The following KIAA1217 variants were observed in gnomAD, a reference collection of about 807,000 sequenced individuals.
The protein encoded by KIAA1217 is KIAA1217.
In KIAA1217, 88 loss-of-function variants were observed where a neutral mutation model predicts 163.9. The ratio of observed to expected loss-of-function variants is 0.54; its 90% CI spans 0.45 to 0.64. The LOEUF (loss-of-function observed/expected upper bound fraction) is 0.64. Ranked by LOEUF, KIAA1217 falls within the 30% of genes least tolerant of loss-of-function variation. KIAA1217 has a pLI of 0.00. For synonymous variants in KIAA1217, 903 were observed against 923.1 expected (o/e 0.98, Z 0.39); for missense variants, 2,372 against 2,475.0 (o/e 0.96, Z 0.88).
At chr10:23,739,064 A>C (rs539051370) in intron 1 of KIAA1217, among the ~76,000 whole-genome samples, 1 of 152,358 alleles carries the variant, frequency 6.6e-6, no homozygotes, top group South Asian at 2.1e-4. Flanking sequence ...AATACTATTC[A>C]CCTATAAAAA....
intron 9 of KIAA1217, 100 bp from the exon 10 acceptor site, chr10:24,513,159 A>G: frequency 9.7e-7 from 1 of 1,029,448 alleles, no homozygotes; most frequent in Non-Finnish European, 1.5e-6. Flanking sequence ...ATTCAGCCGC[A>G]GGGCTGTCTA....
At position 24,373,395 on chromosome 10, in the gene KIAA1217, A is replaced by G. The variant is rs146600100; in HGVS notation, c.355-7474A>G. ...AGGTAAGTCCAGACGTCTTTTCCAG[A>G]TACCTTTACCTTCTAACCCCAATTT... On this transcript the variant is annotated intron_variant, in intron 2 of 20. Coordinates refer to ENST00000376454, the MANE Select transcript of KIAA1217 (RefSeq NM_019590.5). Among the ~76,000 whole-genome samples the G allele has an allele frequency of 8.3e-3, 1,267 of 152,262 alleles. 19 individuals carry two copies. The highest frequency in any genetic ancestry group is 0.029 in the African/African-American group (1,214 of 41,546).
chr10:24,312,196 G>A (rs1319565027), intron 2 of KIAA1217, among the ~76,000 whole-genome samples: 3 of 151,986 alleles, frequency 2.0e-5, no homozygotes, highest in East Asian at 1.9e-4. Context: ...CCCAGCTAAC[G>A]AGGGGCCAGC....
chr10:24,266,834 C>T (rs989972609), intron 2 of KIAA1217, among the ~76,000 whole-genome samples: 3 of 152,292 alleles, frequency 2.0e-5, no homozygotes, highest in African/African-American at 7.2e-5. Flanking sequence ...CCGCTCGGTC[C>T]CCTTCCACGA....
intron 1 of KIAA1217, among the ~76,000 whole-genome samples, chr10:23,882,623 A>G (rs1841000518): frequency 6.6e-6 from 1 of 151,910 alleles, no homozygotes; most frequent in Non-Finnish European, 1.5e-5. Flanking sequence ...AAATCACCAC[A>G]ATACTTAAAA....
chr10:24,197,263 G>A (rs912471365), intron 2 of KIAA1217, among the ~76,000 whole-genome samples: 45 of 152,046 alleles, frequency 3.0e-4, no homozygotes, highest in African/African-American at 9.7e-4. Flanking sequence ...TTTATAATTC[G>A]GCACCCAGTA....
intron 2 of KIAA1217, among the ~76,000 whole-genome samples, chr10:24,251,570 C>T (rs997935092): frequency 2.0e-5 from 3 of 151,978 alleles, no homozygotes; most frequent in Non-Finnish European, 2.9e-5. Context: ...CATTGAGTTC[C>T]GATTCCTTTG....
chr10:24,458,868 G>C (rs929665189), intron 5 of KIAA1217, among the ~76,000 whole-genome samples: 1 of 152,112 alleles, frequency 6.6e-6, no homozygotes, highest in Admixed American at 6.5e-5. Flanking sequence ...GCTCACAGTA[G>C]AATGGAGATT....
intron 2 of KIAA1217, among the ~76,000 whole-genome samples, chr10:24,328,636 C>A (rs1051676693): frequency 2.0e-5 from 3 of 151,650 alleles, no homozygotes; most frequent in Non-Finnish European, 4.4e-5. Flanking sequence ...ATATTGTTTT[C>A]AAATTTTCAG....
At chr10:24,274,017 A>G (rs1374532220) in intron 2 of KIAA1217, among the ~76,000 whole-genome samples, 1 of 152,128 alleles carries the variant, frequency 6.6e-6, no homozygotes, top group African/African-American at 2.4e-5. Context: ...TTAGACGCAT[A>G]CCTCAACCAA....
At chr10:23,971,623 T>C (rs1051293457) in intron 1 of KIAA1217, among the ~76,000 whole-genome samples, 5 of 152,202 alleles carry the variant, frequency 3.3e-5, no homozygotes, top group Non-Finnish European at 7.3e-5. Flanking sequence ...GATACCAACA[T>C]GACAGATTGT....
At chr10:24,143,143 A>G (rs1355605009) in intron 2 of KIAA1217, among the ~76,000 whole-genome samples, 1 of 152,170 alleles carries the variant, frequency 6.6e-6, no homozygotes, top group Non-Finnish European at 1.5e-5. Context: ...ACATGTGTCC[A>G]TTTCTGCATA....
Position 23,959,501 on chromosome 10 carries a change from G to A in KIAA1217, c.-320-47724G>A, listed in dbSNP as rs545558648. Among the ~76,000 whole-genome samples, 5 of 152,330 alleles carry A rather than the reference G, an allele frequency of 3.3e-5. No homozygotes were observed. In the East Asian group the frequency reaches 5.8e-4, roughly 18 times the overall value. On this transcript the variant is annotated intron_variant, in intron 1 of 18. Coordinates refer to the KIAA1217 transcript ENST00000376462. ...TGCACTTCAGTCTGGGTAACAGAGT[G>A]AGACCTTGTCTCTTAAAAAATAAAT... is the stretch of plus-strand genomic sequence containing the variant.
chr10:24,354,231 G>A (rs535478490), intron 2 of KIAA1217, among the ~76,000 whole-genome samples: 7 of 152,328 alleles, frequency 4.6e-5, no homozygotes, highest in Non-Finnish European at 8.8e-5. Flanking sequence ...GTCCAGAATA[G>A]TATTTGTGAA....
intron 3 of KIAA1217, among the ~76,000 whole-genome samples, chr10:24,431,496 G>A (rs1564666082): frequency 6.6e-6 from 1 of 152,130 alleles, no homozygotes; most frequent in Non-Finnish European, 1.5e-5. Context: ...ACCTGGGGCT[G>A]GGGAGACCAC....
chr10:24,545,864 A>G lies in KIAA1217; in HGVS notation c.5372A>G (p.Lys1791Arg). 3 of 1,609,488 alleles carry G rather than the reference A, an allele frequency of 1.9e-6. No homozygotes were observed. Among genetic ancestry groups the G allele is most frequent in the Non-Finnish European group, 2.5e-6 (3 of 1,178,248 alleles). ...GSAKKSGGDFKPTSPSLPASK... is the reference protein window; with the variant it reads ...GSAKKSGGDFRPTSPSLPASK... ...GCTAAGAAATCTGGTGGGGACTTTA[A>G]GCCTACTTCCCCCTCCTTACCTGCT... is the stretch of plus-strand genomic sequence containing the variant. The change falls in exon 21 of 21, where the codon AAG (lysine) becomes AGG (arginine). Residue 1791 changes from lysine (K) to arginine (R), a missense_variant. Lys to Arg is a conservative substitution (Grantham distance 26). Transcript: ENST00000376454.
intron 1 of KIAA1217, among the ~76,000 whole-genome samples, chr10:23,731,242 A>G (rs905304885): frequency 6.6e-6 from 1 of 152,170 alleles, no homozygotes; most frequent in Non-Finnish European, 1.5e-5. Context: ...AGGTGGCTAA[A>G]TATACATACT....
At chr10:23,946,104 T>C (rs1004460615) in intron 1 of KIAA1217, among the ~76,000 whole-genome samples, 1 of 152,240 alleles carries the variant, frequency 6.6e-6, no homozygotes, top group African/African-American at 2.4e-5. Flanking sequence ...CCACAATTAC[T>C]TTTTCAACAA....
intron 1 of KIAA1217, among the ~76,000 whole-genome samples, chr10:23,706,521 T>C (rs1293057794): frequency 6.6e-6 from 1 of 152,162 alleles, no homozygotes; most frequent in Non-Finnish European, 1.5e-5. Flanking sequence ...CTGTATCCAT[T>C]AAGATGATTA....
Sources: gnomAD v4.1 joint callset for allele counts (sites outside exome capture counted in the v4.1 genomes callset) on GRCh38, gnomAD v4.1.1 for gene constraint, MANE v1.5 for transcripts, NCBI Gene and HGNC (gene_info 2026-07-23, HGNC 2026-07-21) for gene names.